The following REXO4 variants were observed in gnomAD, a reference collection of about 807,000 sequenced individuals.
REXO4 encodes REX4 homolog, 3'-5' exonuclease.
A neutral mutation model predicts 39.9 loss-of-function variants in REXO4; 29 were observed. That is an observed-to-expected ratio of 0.73 (90% CI 0.54 to 0.99). The LOEUF (loss-of-function observed/expected upper bound fraction) is 0.99. Ranked by LOEUF, REXO4 falls within the 50% of genes least tolerant of loss-of-function variation. The pLI, the probability that REXO4 is intolerant of heterozygous loss-of-function variation, is 0.00. For missense variants in REXO4, 524 were observed against 546.5 expected, an observed-to-expected ratio of 0.96 and a Z score of 0.41; for synonymous variants, 184 against 206.2, an observed-to-expected ratio of 0.89 and a Z score of 0.92.
Position 133,411,088 on chromosome 9 carries a change from C to T in REXO4, c.911-15G>A. The T allele has an allele frequency of 1.9e-6, 3 of 1,612,350 alleles. No homozygotes were observed. Among genetic ancestry groups the T allele is most frequent in the Middle Eastern group, 1.7e-4 (1 of 6,058 alleles). ...AAGCTCTTCTCCTGGAAAATCAACACAAAGAAGCGGTTTTTTGCAACACAC... is the reference window on the plus strand; with the variant it reads ...AAGCTCTTCTCCTGGAAAATCAACATAAAGAAGCGGTTTTTTGCAACACAC... On this transcript the variant is annotated splice_polypyrimidine_tract_variant and intron_variant, in intron 4 of 7. Coordinates refer to ENST00000371942, the MANE Select transcript of REXO4 (RefSeq NM_020385.4).
intron 5 of REXO4, among the ~76,000 whole-genome samples, chr9:133,409,865 T>C (rs1839119961): frequency 6.6e-6 from 1 of 152,202 alleles, no homozygotes; most frequent in African/African-American, 2.4e-5. Flanking sequence ...GTCTGGTCCT[T>C]AGCATCATCT....
intron 1 of REXO4, among the ~76,000 whole-genome samples, chr9:133,416,633 A>G (rs3118663): frequency 0.51 from 78,265 of 152,074 alleles, 20,481 homozygotes; most frequent in African/African-American, 0.56. Context: ...AAGAGTGTCT[A>G]GGAGAGAGCA....
At chr9:133,414,342 C>T (rs183879927) in intron 2 of REXO4, 176 of 552,046 alleles carry the variant, frequency 3.2e-4, no homozygotes, top group Non-Finnish European at 5.6e-4. Context: ...ACGTCAGAAA[C>T]TTGCCCCAAA....
At chr9:133,410,142 A>G (rs2130713286) in intron 5 of REXO4, among the ~76,000 whole-genome samples, 1 of 152,322 alleles carries the variant, frequency 6.6e-6, no homozygotes, top group East Asian at 1.9e-4. Context: ...CTGCCTGAAC[A>G]TTAGCATCTC....
intron 7 of REXO4, 40 bp downstream of exon 7, chr9:133,407,761 GGAAACC>G (rs2130704660): frequency 6.5e-7 from 1 of 1,547,218 alleles, no homozygotes; most frequent in East Asian, 2.3e-5. Flanking sequence ...GTTCCAGGTG[GGAAACC>G]GCCCCAAACC....
intron 3 of REXO4, 42 bp downstream of exon 3, chr9:133,412,736 C>T: frequency 4.4e-6 from 7 of 1,600,898 alleles, no homozygotes; most frequent in Non-Finnish European, 5.9e-6. Context: ...CCCTCCACGG[C>T]TAAGCATCCC....
chr9:133,411,142 C>T, intron 4 of REXO4, 69 bp from the exon 5 acceptor site: 5 of 1,280,376 alleles, frequency 3.9e-6, no homozygotes, highest in Non-Finnish European at 5.7e-6. Flanking sequence ...GAGGAGGCAG[C>T]CCCGCTCCTA....
At position 133,414,676 on chromosome 9, in the gene REXO4, G is replaced by C; in HGVS notation, c.561C>G (p.Ala187=). 3.7e-6 allele frequency: 6 copies of C among 1,613,824 alleles called. No individual in the cohort carries two copies. The highest frequency in any genetic ancestry group is 4.2e-6 in the Non-Finnish European group (5 of 1,179,762). Residue 187 remains alanine, a synonymous_variant, in exon 2 of 8, where the codon GCC becomes GCG. Transcript: ENST00000371942. The part of the protein sequence containing the change: ...KKRKAKEAAP[A]PPTEEDIWFD... ...TGGCCCATACTTACTCGGTGGGTGGGGCTGGGGCTGCCTCCTTAGCTTTCC... is the reference window on the plus strand; with the variant it reads ...TGGCCCATACTTACTCGGTGGGTGGCGCTGGGGCTGCCTCCTTAGCTTTCC...
chr9:133,416,755 C>T (rs1484537930), intron 1 of REXO4, among the ~76,000 whole-genome samples: 1 of 152,200 alleles, frequency 6.6e-6, no homozygotes, highest in Non-Finnish European at 1.5e-5. Flanking sequence ...CTTAGATGAT[C>T]TATTTAAACT....
intron 4 of REXO4, 32 bp from the exon 5 acceptor site, chr9:133,411,105 G>T (rs781792480): frequency 8.4e-6 from 13 of 1,550,952 alleles, no homozygotes; most frequent in Non-Finnish European, 3.6e-6. Context: ...GCGGTTTTTT[G>T]CAACACACAC....
rs1554781183 is a variant in REXO4, at chr9:133,414,799, G to T, written c.438C>A (p.Arg146=). The change falls in exon 2 of 8, where the codon CGC becomes CGA. Residue 146 remains arginine, a synonymous_variant. Coordinates refer to ENST00000371942, the MANE Select transcript of REXO4 (RefSeq NM_020385.4). Reference sequence around the variant, plus strand: ...TGTGCTCTGTTCCACTGGCCTTGGTGCGAGGTACTGGCGCCCTCCTGTCCA... The same window carrying T: ...TGTGCTCTGTTCCACTGGCCTTGGTTCGAGGTACTGGCGCCCTCCTGTCCA... The part of the protein sequence containing the change: ...SKMDRRAPVP[R]TKASGTEHNK... 5 of 1,614,144 alleles carry T rather than the reference G, an allele frequency of 3.1e-6. No individual in the cohort carries two copies. The highest frequency in any genetic ancestry group is 4.2e-6 in the Non-Finnish European group (5 of 1,180,030).
At chr9:133,417,552 C>G in intron 1 of REXO4, 68 bp downstream of exon 1, 2 of 1,536,792 alleles carry the variant, frequency 1.3e-6, no homozygotes, top group Non-Finnish European at 1.8e-6. Flanking sequence ...CTACCCAAGT[C>G]TTTCCCTCCG....
intron 2 of REXO4, chr9:133,414,464 C>T (rs953893053): frequency 1.4e-6 from 1 of 704,140 alleles, no homozygotes; most frequent in African/African-American, 1.7e-5. Flanking sequence ...GAGCTCTGCT[C>T]AACGCTCGGA....
In REXO4 at chr9:133,412,859, G is replaced by A. The variant is rs139090649; in HGVS notation, c.635C>T (p.Ala212Val). ...ADIEAAIGPEAAKIARKQLGQ... is the reference protein window; with the variant it reads ...ADIEAAIGPEVAKIARKQLGQ... ...CAACTGTTTCCTCGCTATCTTGGCC[G>A]CCTCTGGACCTATGGCAGCTTCGAT... The change falls in exon 3 of 8, where the codon GCG becomes GTG. Residue 212 changes from alanine (A) to valine (V), a missense_variant. Ala to Val is a moderately conservative substitution (Grantham distance 64, BLOSUM62 0). Coordinates refer to ENST00000371942, the MANE Select transcript of REXO4 (RefSeq NM_020385.4). The A allele has an allele frequency of 4.6e-4, 745 of 1,614,072 alleles. 10 individuals are homozygous for A. The South Asian group carries it at 5.2e-3, about 11-fold the overall frequency.
chr9:133,414,021 G>A (rs1368265632), intron 2 of REXO4, among the ~76,000 whole-genome samples: 7 of 152,248 alleles, frequency 4.6e-5, no homozygotes, highest in Non-Finnish European at 1.0e-4. Context: ...ACCATTCAGA[G>A]AAGGCCACTG....
At chr9:133,415,053 A>G (rs782520078) in intron 1 of REXO4, 42 bp from the exon 2 acceptor site, 9 of 1,519,262 alleles carry the variant, frequency 5.9e-6, no homozygotes, top group Admixed American at 4.3e-5. Flanking sequence ...TGAATTTGGA[A>G]ATTACACACA....
Position 133,407,856 on chromosome 9 carries a change from A to G in REXO4, c.1100T>C (p.Leu367Pro). The G allele has an allele frequency of 6.2e-7, 1 of 1,613,938 alleles. No individual in the cohort carries two copies. ...VKSGRPSLRL[L>P]SEKILGLQVQ... Reference sequence around the variant, plus strand: ...CTGGAGCCCAAGGATCTTCTCTGAAAGTAGTCTCAGAGACGGCCTTCCACT... The same window carrying G: ...CTGGAGCCCAAGGATCTTCTCTGAAGGTAGTCTCAGAGACGGCCTTCCACT... Residue 367 changes from leucine to proline, a missense_variant, in exon 7 of 8, where the codon CTT becomes CCT. By Grantham distance (98) the Leu-to-Pro change is moderately conservative. Coordinates refer to ENST00000371942, the MANE Select transcript of REXO4 (RefSeq NM_020385.4).
Position 133,412,816 on chromosome 9 carries a change from G to A in REXO4, c.678C>T (p.Ser226=), listed in dbSNP as rs143883166. Residue 226 remains serine (S), a synonymous_variant, in exon 3 of 8, where the codon AGC becomes AGT. Transcript: ENST00000371942. ...ARKQLGQSEG[S]VSLSLVKEQA... ...GCTCTTTCACGAGGCTGAGGCTGAC[G>A]CTGCCCTCGCTCTGACCCAACTGTT... is the stretch of plus-strand genomic sequence containing the variant. 3.0e-5 allele frequency: 49 copies of A among 1,613,632 alleles called. No homozygotes were observed. The African/African-American group carries it at 4.1e-4, about 14-fold the overall frequency.
rs1191559425 is a variant in REXO4, at chr9:133,410,972, G to A, written c.999+13C>T. 2.5e-6 allele frequency: 4 copies of A among 1,609,806 alleles called. No homozygotes were observed. Among genetic ancestry groups the A allele is most frequent in the Non-Finnish European group, 3.4e-6 (4 of 1,176,130 alleles). On this transcript the variant is annotated intron_variant, in intron 5 of 7. Transcript: ENST00000371942. The stretch of plus-strand genomic sequence containing the variant: ...GCAGGGGCAGGCTGAGTCCCCAGGA[G>A]AGAGCCCAGTACCTTTAGGTCATTA...
Sources: allele counts gnomAD v4.1 joint callset (sites outside exome capture counted in the v4.1 genomes callset), GRCh38; gene constraint gnomAD v4.1.1; transcripts MANE v1.5; gene names NCBI Gene and HGNC (gene_info 2026-07-23, HGNC 2026-07-21).